The following LONP2 variants were observed in gnomAD, a reference collection of about 807,000 sequenced individuals.
LONP2 encodes the protein lon protease homolog 2, peroxisomal.
A neutral mutation model predicts 85.6 loss-of-function variants in LONP2; 60 were observed. The ratio of observed to expected loss-of-function variants is 0.70; its 90% CI spans 0.57 to 0.87. The LOEUF is 0.87. LONP2 is among the 40% of genes least tolerant of loss of function. LONP2 has a pLI of 0.00. For synonymous variants in LONP2, 395 were observed against 389.7 expected (o/e 1.01, Z -0.16); for missense variants, 860 against 1,063.5 (o/e 0.81, Z 2.66).
intron 7 of LONP2, among the ~76,000 whole-genome samples, chr16:48,271,885 G>A (rs1257624964): frequency 6.6e-6 from 1 of 152,114 alleles, no homozygotes; most frequent in East Asian, 1.9e-4. Context: ...ACCACTAGAG[G>A]CTATAGTTTG....
chr16:48,276,107 G>T (rs1005761277), intron 7 of LONP2, among the ~76,000 whole-genome samples: 3 of 152,252 alleles, frequency 2.0e-5, no homozygotes, highest in Admixed American at 6.5e-5. Flanking sequence ...TAATTGGAAA[G>T]AATTTATAAA....
In LONP2 at chr16:48,244,540, C is replaced by T; in HGVS notation, c.152C>T (p.Ser51Leu). 6.4e-7 allele frequency: 1 copy of T among 1,563,908 alleles called. No homozygotes were observed. The part of the protein sequence containing the change: ...LVRSRLLKGT[S>L]LQSTILGVIP... ...CGGAGCCGCCTTCTGAAGGGCACGT[C>T]GCTGCAAAGCACCATCCTGGGCGTC... is the stretch of plus-strand genomic sequence containing the variant. Residue 51 changes from serine (S) to leucine (L), a missense_variant, in exon 1 of 15, where the codon TCG becomes TTG. Transcript: ENST00000285737.
chr16:48,324,053 G>A (rs1021564836), intron 11 of LONP2, among the ~76,000 whole-genome samples: 2 of 152,134 alleles, frequency 1.3e-5, no homozygotes, highest in Admixed American at 6.5e-5. Flanking sequence ...ATGACAGCAC[G>A]AATTATACAG....
At chr16:48,319,888 C>T (rs953519111) in intron 11 of LONP2, among the ~76,000 whole-genome samples, 1 of 151,298 alleles carries the variant, frequency 6.6e-6, no homozygotes, top group East Asian at 2.0e-4. Context: ...TTTGGCCAGG[C>T]GTGGTGGCTC....
At chr16:48,247,883 T>G (rs1316293287) in intron 1 of LONP2, among the ~76,000 whole-genome samples, 1 of 152,152 alleles carries the variant, frequency 6.6e-6, no homozygotes, top group African/African-American at 2.4e-5. Context: ...CTCCTGCCTC[T>G]GTCTCCCAAA....
At chr16:48,262,896 T>A (rs1396934927) in intron 6 of LONP2, 24 bp downstream of exon 6, 2 of 1,459,778 alleles carry the variant, frequency 1.4e-6, no homozygotes, top group African/African-American at 2.8e-5. Context: ...TAACACCTGT[T>A]TTGCAGTCTA....
intron 6 of LONP2, among the ~76,000 whole-genome samples, chr16:48,268,657 ACTCT>A (rs1236084245): frequency 2.6e-5 from 4 of 151,874 alleles, no homozygotes; most frequent in African/African-American, 9.7e-5. Flanking sequence ...CAATTGAGAA[ACTCT>A]CTATCTTTCA....
chr16:48,361,466 C>T, downstream of LONP2: 1 of 964,446 alleles, frequency 1.0e-6, no homozygotes, highest in Non-Finnish European at 1.6e-6. Context: ...TATTTACCTT[C>T]ATGTGTCTAG....
intron 7 of LONP2, among the ~76,000 whole-genome samples, chr16:48,275,183 G>C (rs1235298891): frequency 1.1e-4 from 17 of 151,890 alleles, no homozygotes; most frequent in Admixed American, 1.1e-3. Context: ...TGCTTTGCCT[G>C]TGTTCTCTCA....
chr16:48,297,981 T>A (rs920317384), intron 9 of LONP2, among the ~76,000 whole-genome samples: 1 of 152,218 alleles, frequency 6.6e-6, no homozygotes, highest in Non-Finnish European at 1.5e-5. Context: ...TTCTTAATTA[T>A]CTGTGAGCAT....
At chr16:48,287,690 G>C (rs1972476025) in intron 8 of LONP2, among the ~76,000 whole-genome samples, 2 of 152,168 alleles carry the variant, frequency 1.3e-5, no homozygotes, top group African/African-American at 4.8e-5. Context: ...TTGCTACCAT[G>C]AACTTGAGAG....
At chr16:48,272,397 A>G (rs74016375) in intron 7 of LONP2, among the ~76,000 whole-genome samples, 2,086 of 152,318 alleles carry the variant, frequency 0.014, 48 homozygotes, top group African/African-American at 0.047. Context: ...CACCACTTAC[A>G]AACATCACTG....
Position 48,303,194 on chromosome 16 carries a change from C to T in LONP2, c.1684C>T (p.Arg562Cys), listed in dbSNP as rs751260535. The change falls in exon 11 of 15, where the codon CGT becomes TGT. Residue 562 changes from arginine to cysteine, a missense_variant. Arg to Cys is a radical substitution (Grantham distance 180, BLOSUM62 -3). Around this residue, in one of 3 missense-constraint regions of LONP2, gnomAD observed 743 missense variants for 917.3 expected, o/e 0.81. Coordinates refer to ENST00000285737, the MANE Select transcript of LONP2 (RefSeq NM_031490.5). ...CAGGTATACCAGAGAGGCAGGGGTT[C>T]GTTCTCTGGATAGAAAACTTGGGGC... The part of the protein sequence containing the change: ...ITRYTREAGV[R>C]SLDRKLGAIC... 4 of 1,613,854 alleles carry T rather than the reference C, an allele frequency of 2.5e-6. No homozygotes were observed. Among genetic ancestry groups the T allele is most frequent in the Non-Finnish European group, 3.4e-6 (4 of 1,179,988 alleles).
intron 1 of LONP2, among the ~76,000 whole-genome samples, chr16:48,250,533 A>G (rs1216072230): frequency 6.6e-6 from 1 of 152,112 alleles, no homozygotes; most frequent in Non-Finnish European, 1.5e-5. Flanking sequence ...CCTTTTAGCA[A>G]TGACATAGCC....
At chr16:48,262,658 T>C (rs1489514884) in intron 5 of LONP2, 120 bp from the exon 6 acceptor site, 1 of 593,560 alleles carries the variant, frequency 1.7e-6, no homozygotes, top group Non-Finnish European at 2.9e-6. Flanking sequence ...TTAAAACTTT[T>C]TCAGATTTGT....
At position 48,362,507 on chromosome 16, in the gene LONP2, A is replaced by C. The variant is rs373089189; in HGVS notation, c.*644A>C. On this transcript the variant is annotated 3_prime_UTR_variant, in exon 5 of 5. Transcript: ENST00000565867. This position sits in a 1 kb window ranked among gnomAD's most constrained non-coding sequence, Gnocchi z 4.2. ...ACTTTATAAATAATGTTTACATGCC[A>C]TAAGTCCTTTTAAAGTTTCATACAA... is the stretch of plus-strand genomic sequence containing the variant. 4.9e-6 allele frequency: 7 copies of C among 1,427,554 alleles called. No homozygotes were observed. The South Asian group carries it at 7.6e-5, about 16-fold the overall frequency. 88.4% of individuals were successfully genotyped at this position (1,427,554 alleles called of 1,614,324 possible). A position where few individuals can be genotyped will look rare whatever the true frequency, so the allele number is the denominator to read the frequency against.
At chr16:48,303,947 A>G (rs186441321) in intron 11 of LONP2, among the ~76,000 whole-genome samples, 1 of 152,262 alleles carries the variant, frequency 6.6e-6, no homozygotes, top group East Asian at 1.9e-4. Context: ...GATGGTGCCC[A>G]CTCAGATTGA....
At chr16:48,261,323 A>G (rs977366678) in intron 4 of LONP2, 101 bp from the exon 5 acceptor site, 3 of 845,810 alleles carry the variant, frequency 3.5e-6, no homozygotes, top group Admixed American at 5.4e-5. Flanking sequence ...TGTAGTCATA[A>G]AAATATTTAT....
At chr16:48,284,499 A>G (rs1017112073) in intron 8 of LONP2, among the ~76,000 whole-genome samples, 4 of 152,226 alleles carry the variant, frequency 2.6e-5, no homozygotes, top group African/African-American at 9.6e-5. Flanking sequence ...TCAGTCATCA[A>G]CCATTAATAT....
Sources: allele counts gnomAD v4.1 joint callset (sites outside exome capture counted in the v4.1 genomes callset), GRCh38; gene constraint gnomAD v4.1.1; regional missense constraint gnomAD v4.1.1; non-coding constraint Gnocchi (gnomAD v3.1); transcripts MANE v1.5; gene names NCBI Gene and HGNC (gene_info 2026-07-23, HGNC 2026-07-21).